MEGF6: variants seen among roughly 807,000 people sequenced by gnomAD.
The protein encoded by MEGF6 is multiple epidermal growth factor-like domains protein 6.
MEGF6 carries 184 observed loss-of-function variants against 207.1 expected under a neutral mutation model. That is an observed-to-expected ratio of 0.89 (90% CI 0.79 to 1.00). The LOEUF (loss-of-function observed/expected upper bound fraction) is 1.00, where lower values mean the gene tolerates loss of function less well. Among genes scored for constraint, MEGF6 ranks in the 50% least tolerant of loss-of-function variants. The pLI is 0.00. For synonymous variants in MEGF6, 1,038 were observed against 910.0 expected (o/e 1.14, Z -2.53); for missense variants, 2,282 against 2,202.9 (o/e 1.04, Z -0.72).
At chr1:3,537,243 C>A (rs66681094) in intron 4 of MEGF6, among the ~76,000 whole-genome samples, 18,747 of 152,290 alleles carry the variant, frequency 0.12, 1,289 homozygotes, top group East Asian at 0.24. Flanking sequence ...CAATCTCCCA[C>A]CTAGCCAGGC....
Position 3,565,188 on chromosome 1 carries a change from C to A in MEGF6, c.481+14637G>T, listed in dbSNP as rs1643310633. On this transcript the variant is annotated intron_variant, in intron 4 of 36. Coordinates refer to ENST00000356575, the MANE Select transcript of MEGF6 (RefSeq NM_001409.4). The surrounding 1 kb of genome is among the most constrained non-coding windows in gnomAD (Gnocchi z 4.8). ...CTGGAACCCCCTGCCTGGGTCTCGT[C>A]CTCTCTCCCACTGTGTCCCCGAGGC... 6.6e-6 allele frequency among the ~76,000 whole-genome samples: 1 copy of A among 152,088 alleles called. No homozygotes were observed. The highest frequency in any genetic ancestry group is 2.1e-4 in the South Asian group (1 of 4,818).
upstream of MEGF6, among the ~76,000 whole-genome samples, chr1:3,614,478 G>A (rs951788311): frequency 1.3e-5 from 2 of 152,192 alleles, no homozygotes; most frequent in South Asian, 2.1e-4. Context: ...AATAAACTAC[G>A]CAGAGCACAG....
chr1:3,612,755 T>C (rs1359275671), upstream of MEGF6, among the ~76,000 whole-genome samples: 1 of 152,046 alleles, frequency 6.6e-6, no homozygotes, highest in Non-Finnish European at 1.5e-5. Flanking sequence ...GGGAGGGGCT[T>C]GGGAAGGGAG....
intron 4 of MEGF6, among the ~76,000 whole-genome samples, chr1:3,530,145 C>T (rs1642099356): frequency 6.6e-6 from 1 of 152,234 alleles, no homozygotes; most frequent in Admixed American, 6.5e-5. Flanking sequence ...CTTGGCTGAG[C>T]CGCCCAGCCG....
In MEGF6 at chr1:3,510,790, G is replaced by A. The variant is rs1233539523; in HGVS notation, c.1227C>T (p.Gly409=). The change falls in exon 10 of 37, where the codon GGC becomes GGT. Residue 409 remains glycine (G), a synonymous_variant. Coordinates refer to ENST00000356575, the MANE Select transcript of MEGF6 (RefSeq NM_001409.4). ...AGYRLSADGC[G]CEDVDECASS... ...TGGCAGGGCAGTGCTCACCCTCACA[G>A]CCGCAGCCATCGGCACTGAGCCGGT... The A allele has an allele frequency of 6.2e-7, 1 of 1,604,626 alleles. No homozygotes were observed. The highest frequency in any genetic ancestry group is 1.1e-5 in the South Asian group (1 of 90,738).
chr1:3,541,680 T>C (rs72633400), intron 4 of MEGF6, among the ~76,000 whole-genome samples: 149 of 151,712 alleles, frequency 9.8e-4, no homozygotes, highest in Non-Finnish European at 1.6e-3. Flanking sequence ...TGCCTTCCTC[T>C]CCCTGGGGAC....
At chr1:3,577,603 G>A (rs904957469) in intron 4 of MEGF6, among the ~76,000 whole-genome samples, 25 of 152,358 alleles carry the variant, frequency 1.6e-4, no homozygotes, top group African/African-American at 5.1e-4. Context: ...CCTGCTCTGC[G>A]GTGCGTTCCC....
rs147537213 is a variant in MEGF6 at position 3,490,224 on chromosome 1, T to A, written c.*304A>T. Reference sequence around the variant, plus strand: ...CACTGGCGCCCACACCTGTCCTCAGTCCAACTCAGAGCCGCGGGGAGAGCG... The same window carrying A: ...CACTGGCGCCCACACCTGTCCTCAGACCAACTCAGAGCCGCGGGGAGAGCG... On this transcript the variant is annotated 3_prime_UTR_variant, in exon 37 of 37. Transcript: ENST00000356575. 1 of 469,228 alleles carries A rather than the reference T, an allele frequency of 2.1e-6. No individual in the cohort carries two copies. Among genetic ancestry groups the A allele is most frequent in the South Asian group, 2.8e-5 (1 of 36,076 alleles). 29.1% of individuals were successfully genotyped at this position (469,228 alleles called of 1,614,324 possible).
At chr1:3,501,754 G>T in intron 18 of MEGF6, 42 bp downstream of exon 18, 3 of 1,600,736 alleles carry the variant, frequency 1.9e-6, no homozygotes, top group Non-Finnish European at 2.6e-6. Flanking sequence ...TTGGAGCCGT[G>T]CAGCCTGGGG....
intron 4 of MEGF6, among the ~76,000 whole-genome samples, chr1:3,571,453 G>T (rs994731983): frequency 2.6e-5 from 4 of 151,936 alleles, no homozygotes; most frequent in Admixed American, 6.6e-5. Context: ...CCCCAGACAC[G>T]CTGGGTCCTC....
chr1:3,504,343 G>A (rs1023796973), intron 17 of MEGF6, among the ~76,000 whole-genome samples: 3 of 152,140 alleles, frequency 2.0e-5, no homozygotes, highest in Non-Finnish European at 4.4e-5. Context: ...TGCCGAGGGC[G>A]TCTTCCTTCC....
rs1452732885 is a variant in MEGF6, at chr1:3,602,543, C to A, written c.189G>T (p.Val63=). The A allele has an allele frequency of 5.0e-6, 8 of 1,612,878 alleles. No individual in the cohort carries two copies. The African/African-American group carries it at 9.3e-5, about 19-fold the overall frequency. Residue 63 remains valine, a synonymous_variant, in exon 2 of 37, where the codon GTG becomes GTT. Coordinates refer to ENST00000356575, the MANE Select transcript of MEGF6 (RefSeq NM_001409.4). ...LTLVGRRQPC[V]QALSHTVPVW... is the part of the protein sequence containing the mutation. ...CCGGCACCGTGTGGCTTAAGGCCTG[C>A]ACGCACGGCTGGCGGCGGCCCACCA... is the stretch of plus-strand genomic sequence containing the variant.
intron 4 of MEGF6, chr1:3,530,958 C>T: frequency 7.6e-7 from 1 of 1,314,186 alleles, no homozygotes; most frequent in South Asian, 1.7e-5. Context: ...CACTGCCCCG[C>T]CCTGCTCCCT....
chr1:3,602,149 T>C (rs1644169975), intron 2 of MEGF6, among the ~76,000 whole-genome samples: 1 of 152,216 alleles, frequency 6.6e-6, no homozygotes, highest in African/African-American at 2.4e-5. Flanking sequence ...ACCGGGCCCC[T>C]GGCAGGCTGA....
intron 3 of MEGF6, among the ~76,000 whole-genome samples, chr1:3,591,997 G>A (rs965596712): frequency 3.9e-5 from 6 of 152,146 alleles, no homozygotes; most frequent in African/African-American, 7.2e-5. Context: ...ATCGGCATCC[G>A]GCCCATCAGC....
chr1:3,616,987 T>C, the MEGF6 span, among the ~76,000 whole-genome samples: 1 of 152,204 alleles, frequency 6.6e-6, no homozygotes, highest in Non-Finnish European at 1.5e-5. Flanking sequence ...AGCACAGCTA[T>C]TGTTCTGAGG....
chr1:3,557,547 C>T (rs1273009064), intron 4 of MEGF6, among the ~76,000 whole-genome samples: 1 of 152,236 alleles, frequency 6.6e-6, no homozygotes, highest in Non-Finnish European at 1.5e-5. Flanking sequence ...AGAAGCCCTG[C>T]CAGCCTGCGG....
intron 4 of MEGF6, among the ~76,000 whole-genome samples, chr1:3,578,999 C>T (rs534560698): frequency 5.3e-5 from 8 of 152,374 alleles, no homozygotes; most frequent in African/African-American, 1.4e-4. Flanking sequence ...GCCTGGGCAC[C>T]GGAGTGCATC....
intron 4 of MEGF6, among the ~76,000 whole-genome samples, chr1:3,570,563 G>C (rs542821978): frequency 6.6e-6 from 1 of 152,200 alleles, no homozygotes; most frequent in African/African-American, 2.4e-5. Context: ...GGCATCTTCC[G>C]GCCCAGGTGC....
Sources: allele counts gnomAD v4.1 joint callset (sites outside exome capture counted in the v4.1 genomes callset), GRCh38; gene constraint gnomAD v4.1.1; non-coding constraint Gnocchi (gnomAD v3.1); transcripts MANE v1.5; gene names NCBI Gene and HGNC (gene_info 2026-07-23, HGNC 2026-07-21).